Variants in NUP98 observed in about 807,000 individuals in gnomAD.
NUP98 encodes nuclear pore complex protein Nup98-Nup96.
Under a neutral mutation model 191.9 loss-of-function variants are expected in NUP98, and 26 were observed. That is an observed-to-expected ratio of 0.14 (90% CI 0.10 to 0.19). NUP98 has a LOEUF of 0.19. NUP98 is among the 10% of genes least tolerant of loss of function. NUP98 has a pLI of 1.00. For missense variants in NUP98, 1,941 were observed against 2,178.8 expected (o/e 0.89, Z 2.17); for synonymous variants, 808 against 778.4 (o/e 1.04, Z -0.63).
chr11:3,731,447 G>A lies in NUP98; in HGVS notation c.1674C>T (p.Leu558=). ...LQTTGTAKSH[L]FDGLDDDEPS... ...GTTCATCGTCATCCAGCCCATCAAA[G>A]AGATGTGACTTGGCTGTGCCTGTTG... is the stretch of plus-strand genomic sequence containing the variant. The change falls in exon 14 of 33, where the codon CTC becomes CTT. Residue 558 remains leucine, a synonymous_variant. Transcript: ENST00000324932. 1.9e-6 allele frequency: 3 copies of A among 1,607,276 alleles called. No individual in the cohort carries two copies. Among genetic ancestry groups the A allele is most frequent in the South Asian group, 2.2e-5 (2 of 89,100 alleles).
chr11:3,782,550 C>T (rs940403619), intron 1 of NUP98, among the ~76,000 whole-genome samples: 1 of 150,818 alleles, frequency 6.6e-6, no homozygotes, highest in Non-Finnish European at 1.5e-5. Flanking sequence ...TCTGCTAACC[C>T]AACCACCTAA....
chr11:3,699,237 C>A lies in NUP98; in HGVS notation c.3854G>T (p.Arg1285Leu). The A allele has an allele frequency of 1.2e-6, 2 of 1,614,148 alleles. No individual in the cohort carries two copies. Among genetic ancestry groups the A allele is most frequent in the South Asian group, 2.2e-5 (2 of 91,086 alleles). ...EPREYIQILE[R>L]RRAFSRWLSC... ...TAGCCAGCGGGAGAAAGCTCTTCTT[C>A]GCTCCAGAATTTGAATGTATTCACG... The change falls in exon 25 of 33, where the codon CGA becomes CTA. Residue 1285 changes from arginine to leucine, a missense_variant. Coordinates refer to ENST00000324932, the MANE Select transcript of NUP98 (RefSeq NM_016320.5).
intron 20 of NUP98, chr11:3,711,951 C>T: frequency 9.6e-7 from 1 of 1,043,120 alleles, no homozygotes; most frequent in Non-Finnish European, 1.2e-6. Context: ...GTAGAGGATG[C>T]TTTACAAAGA....
In NUP98 at chr11:3,693,227, T is replaced by C. The variant is rs2078376639; in HGVS notation, c.4311+5A>G. 1.2e-6 allele frequency: 2 copies of C among 1,613,868 alleles called. No individual in the cohort carries two copies. Among genetic ancestry groups the C allele is most frequent in the African/African-American group, 2.7e-5 (2 of 74,930 alleles). ...TTTTTGCTTGGCTCTATTGGCCACATATACCTGAAATGCTTCTTCATACAT... is the reference window on the plus strand; with the variant it reads ...TTTTTGCTTGGCTCTATTGGCCACACATACCTGAAATGCTTCTTCATACAT... On this transcript the variant is annotated splice_donor_5th_base_variant and intron_variant, in intron 27 of 32. Coordinates refer to ENST00000324932, the MANE Select transcript of NUP98 (RefSeq NM_016320.5).
At chr11:3,742,865 C>A (rs1185645045) in intron 12 of NUP98, among the ~76,000 whole-genome samples, 1 of 152,068 alleles carries the variant, frequency 6.6e-6, no homozygotes, top group East Asian at 1.9e-4. Flanking sequence ...AAAGGTTTCT[C>A]AAAACCTGAC....
intron 18 of NUP98, among the ~76,000 whole-genome samples, chr11:3,718,404 C>T (rs552110339): frequency 2.6e-5 from 4 of 152,106 alleles, no homozygotes; most frequent in African/African-American, 7.2e-5. Context: ...AGCATGGTGG[C>T]GGGCACCTAT....
At chr11:3,760,443 A>G in intron 10 of NUP98, 96 bp downstream of exon 10, 2 of 1,544,044 alleles carry the variant, frequency 1.3e-6, no homozygotes, top group Non-Finnish European at 1.8e-6. Context: ...CGTGTGGTAT[A>G]GTCAGTGTAA....
chr11:3,676,797 G>A (rs2077827048), intron 31 of NUP98, 177 bp from the exon 32 acceptor site: 4 of 731,204 alleles, frequency 5.5e-6, no homozygotes, highest in African/African-American at 3.4e-5. Flanking sequence ...TAATTATGCA[G>A]TAATAGCCAA....
intron 8 of NUP98, among the ~76,000 whole-genome samples, chr11:3,767,393 T>TCTCAGCTCACTGCAAC (rs920023090): frequency 6.6e-6 from 1 of 151,878 alleles, no homozygotes; most frequent in African/African-American, 2.4e-5. Context: ...CATGGAGCAA[T>TCTCAGCTCACTGCAAC]CTCAGCTCAC....
chr11:3,773,574 G>T, intron 6 of NUP98, 58 bp downstream of exon 6: 2 of 1,080,742 alleles, frequency 1.9e-6, no homozygotes, highest in Non-Finnish European at 2.7e-6. Context: ...ATTTTTAAAA[G>T]CTGCATTCCA....
rs1162373734 is a variant in NUP98, at chr11:3,687,584, AG to A, written c.4455-1391del. Among the ~76,000 whole-genome samples the A allele has an allele frequency of 5.5e-4, 84 of 152,346 alleles. 1 individual carries two copies. Among genetic ancestry groups the A allele is most frequent in the African/African-American group, 1.9e-3 (81 of 41,576 alleles). ...AATAGACACAACTAATGAGGCCAGAAGGTGGTTCTTTGAAAAGGTCAATATG... is the reference window on the plus strand; with the variant it reads ...AATAGACACAACTAATGAGGCCAGAAGTGGTTCTTTGAAAAGGTCAATATG... On this transcript the variant is annotated intron_variant, in intron 28 of 32. Transcript: ENST00000324932.
chr11:3,705,303 A>T lies in NUP98; in HGVS notation c.2979T>A (p.Asp993Glu). 1 of 1,614,086 alleles carries T rather than the reference A, an allele frequency of 6.2e-7. No homozygotes were observed. Among genetic ancestry groups the T allele is most frequent in the Non-Finnish European group, 8.5e-7 (1 of 1,179,914 alleles). Reference protein sequence around the residue: ...TDEEDVDMALDQRFSRLPSKA... With the variant: ...TDEEDVDMALEQRFSRLPSKA... ...TGGAAGGCAGGCGACTGAAGCGTTGATCCAGTGCCATATCTACATCTTCTT... is the reference window on the plus strand; with the variant it reads ...TGGAAGGCAGGCGACTGAAGCGTTGTTCCAGTGCCATATCTACATCTTCTT... Residue 993 changes from aspartate (D) to glutamate (E), a missense_variant, in exon 22 of 33, where the codon GAT (aspartate) becomes GAA (glutamate). Transcript: ENST00000324932.
intron 8 of NUP98, 50 bp downstream of exon 8, chr11:3,768,531 C>A: frequency 2.1e-6 from 3 of 1,435,102 alleles, no homozygotes; most frequent in Admixed American, 2.3e-5. Context: ...ATCCTCATTA[C>A]TTAACTCTAA....
intron 18 of NUP98, among the ~76,000 whole-genome samples, chr11:3,718,506 A>C (rs1017658739): frequency 5.3e-5 from 8 of 152,236 alleles, no homozygotes; most frequent in African/African-American, 1.7e-4. Flanking sequence ...ACTGCACTCC[A>C]GCTTGGGCAA....
At chr11:3,726,323 AAT>A (rs2079615165) in intron 14 of NUP98, among the ~76,000 whole-genome samples, 1 of 151,866 alleles carries the variant, frequency 6.6e-6, no homozygotes, top group African/African-American at 2.4e-5. Context: ...ATAATAATTA[AAT>A]ATTAATAAGA....
intron 7 of NUP98, 135 bp downstream of exon 7, chr11:3,771,613 G>C (rs2081534900): frequency 1.4e-6 from 1 of 699,202 alleles, no homozygotes. Flanking sequence ...ATACATCCAG[G>C]CATTCCTCCC....
chr11:3,700,468 CTTAG>C (rs1402503026), intron 24 of NUP98, 138 bp downstream of exon 24: 7 of 549,802 alleles, frequency 1.3e-5, no homozygotes, highest in South Asian at 2.7e-5. Context: ...TGGGAATCTG[CTTAG>C]TTAAACTCAA....
chr11:3,749,879 G>T (rs1187548850), intron 11 of NUP98, among the ~76,000 whole-genome samples: 1 of 152,116 alleles, frequency 6.6e-6, no homozygotes, highest in African/African-American at 2.4e-5. Flanking sequence ...TATATAATGT[G>T]AGCAACACAA....
chr11:3,740,780 A>G (rs1382362458), intron 12 of NUP98, among the ~76,000 whole-genome samples: 1 of 151,626 alleles, frequency 6.6e-6, no homozygotes, highest in African/African-American at 2.4e-5. Flanking sequence ...ACTCACGTAC[A>G]AAGAGTTGCC....
Sources: allele counts gnomAD v4.1 joint callset (sites outside exome capture counted in the v4.1 genomes callset), GRCh38; gene constraint gnomAD v4.1.1; transcripts MANE v1.5; gene names NCBI Gene and HGNC (gene_info 2026-07-23, HGNC 2026-07-21).